The following PCNX2 variants were observed in gnomAD, a reference collection of about 807,000 sequenced individuals.
PCNX2 encodes pecanex-like protein 2.
A neutral mutation model predicts 223.8 loss-of-function variants in PCNX2; 168 were observed. That is an observed-to-expected ratio of 0.75 (90% confidence interval 0.66 to 0.85). The LOEUF is 0.85. Ranked by LOEUF, PCNX2 falls within the 40% of genes least tolerant of loss-of-function variation. The pLI is 0.00. For synonymous variants in PCNX2, 1,006 were observed against 1,052.6 expected (o/e 0.96, Z 0.86); for missense variants, 2,507 against 2,675.5 (o/e 0.94, Z 1.39).
chr1:233,001,659 G>C lies in PCNX2; in HGVS notation c.4975C>G (p.Leu1659Val). The C allele has an allele frequency of 1.9e-6, 3 of 1,586,614 alleles. No individual in the cohort carries two copies. The highest frequency in any genetic ancestry group is 2.6e-6 in the Non-Finnish European group (3 of 1,164,998). ...AAGTCACCTTTGAAGAGGACATGGA[G>C]GCCATACAGGAAAGAATCCAGGCTG... Reference protein sequence around the residue: ...AISLDSFLYGLHVLFKGDFRI... With the variant: ...AISLDSFLYGVHVLFKGDFRI... The change falls in exon 29 of 34, where the codon CTC becomes GTC. Residue 1659 changes from leucine to valine, a missense_variant. Around this residue, in one of 3 missense-constraint regions of PCNX2, gnomAD observed 1,372 missense variants for 1,509.4 expected, o/e 0.91. Coordinates refer to ENST00000258229, the MANE Select transcript of PCNX2 (RefSeq NM_014801.4). The surrounding 1 kb of genome is among the most constrained non-coding windows in gnomAD (Gnocchi z 4.2).
chr1:232,985,334 C>CA (rs1669435156), intron 33 of PCNX2: 1 of 152,278 alleles, frequency 6.6e-6, no homozygotes, highest in Non-Finnish European at 1.5e-5. Flanking sequence ...CACCCAGAAC[C>CA]AGAGGCCAAG....
At chr1:233,161,782 G>A (rs1432720457) in intron 17 of PCNX2, among the ~76,000 whole-genome samples, 1 of 152,082 alleles carries the variant, frequency 6.6e-6, no homozygotes, top group East Asian at 1.9e-4. Context: ...GGAGGTCAAA[G>A]TGCTAATCAT....
rs756370558 is a variant in PCNX2, at chr1:233,262,048, T to A, written c.477A>T (p.Pro159=). ...QSITSHHSSG[P]LELSAQETVE... ...AACAGGAAAGAAGACCACTAACCAA[T>A]GGCCCAGAAGAGTGATGAGAGGTTA... is the stretch of plus-strand genomic sequence containing the variant. The change falls in exon 3 of 34, where the codon CCA becomes CCT. Residue 159 remains proline, a synonymous_variant. Transcript: ENST00000258229. The A allele has an allele frequency of 1.2e-6, 2 of 1,613,586 alleles. No homozygotes were observed. The highest frequency in any genetic ancestry group is 8.5e-7 in the Non-Finnish European group (1 of 1,179,650).
In PCNX2 at chr1:233,001,678, C is replaced by T. The variant is rs1041160582; in HGVS notation, c.4956G>A (p.Leu1652=). 3.8e-6 allele frequency: 6 copies of T among 1,571,212 alleles called. No homozygotes were observed. In the Admixed American group the frequency reaches 7.2e-5, roughly 19 times the overall value. ...CATGGAGGCCATACAGGAAAGAATC[C>T]AGGCTGCAAAACAAAGTCCTATTAC... ...GTAAHNMAIS[L]DSFLYGLHVL... The change falls in exon 29 of 34, where the codon CTG becomes CTA. Residue 1652 remains leucine, a synonymous_variant. Coordinates refer to ENST00000258229, the MANE Select transcript of PCNX2 (RefSeq NM_014801.4). The surrounding 1 kb of genome is among the most constrained non-coding windows in gnomAD (Gnocchi z 4.2).
intron 13 of PCNX2, among the ~76,000 whole-genome samples, chr1:233,203,644 T>A (rs913051114): frequency 6.6e-6 from 1 of 152,152 alleles, no homozygotes; most frequent in African/African-American, 2.4e-5. Context: ...AGTTTCTCCA[T>A]CCTTCCCACC....
At chr1:233,307,892 C>T in the PCNX2 span, among the ~76,000 whole-genome samples, 5 of 152,172 alleles carry the variant, frequency 3.3e-5, no homozygotes, top group African/African-American at 1.2e-4. Flanking sequence ...TACCTCCAAG[C>T]AAAACAGTCA....
intron 21 of PCNX2, among the ~76,000 whole-genome samples, chr1:233,098,985 G>A (rs1037591322): frequency 3.3e-5 from 5 of 152,196 alleles, no homozygotes; most frequent in African/African-American, 1.2e-4. Flanking sequence ...TCACAACCTA[G>A]TAATTTTAGA....
chr1:233,325,013 A>G, the PCNX2 span, among the ~76,000 whole-genome samples: 1 of 152,218 alleles, frequency 6.6e-6, no homozygotes, highest in Admixed American at 6.5e-5. Flanking sequence ...GAGATGCACG[A>G]GGAGATAAAT....
At chr1:233,147,719 C>T (rs1179735492) in intron 19 of PCNX2, among the ~76,000 whole-genome samples, 1 of 152,186 alleles carries the variant, frequency 6.6e-6, no homozygotes, top group Non-Finnish European at 1.5e-5. Flanking sequence ...ACTGTAAGTA[C>T]CATTCTGCTG....
chr1:233,232,869 GATA>G (rs1299207274), intron 9 of PCNX2: 98 of 981,248 alleles, frequency 1.0e-4, no homozygotes, highest in East Asian at 2.3e-4. Context: ...TATCCATAAT[GATA>G]ATAATAATAA....
chr1:233,076,393 T>C (rs1427923323), intron 23 of PCNX2, among the ~76,000 whole-genome samples: 2 of 152,196 alleles, frequency 1.3e-5, no homozygotes, highest in African/African-American at 2.4e-5. Context: ...ACTGCAGTAA[T>C]TTGTGCAGTG....
intron 25 of PCNX2, chr1:233,033,101 G>A (rs1340495616): frequency 1.0e-6 from 1 of 985,314 alleles, no homozygotes; most frequent in African/African-American, 1.7e-5. Context: ...CCCCGGCAGA[G>A]ATGAATGTCA....
intron 28 of PCNX2, among the ~76,000 whole-genome samples, chr1:233,005,707 A>T (rs1348801428): frequency 6.6e-6 from 1 of 152,192 alleles, no homozygotes; most frequent in African/African-American, 2.4e-5. Context: ...GAGCTGTGAC[A>T]AGCCAAGCGG....
intron 23 of PCNX2, chr1:233,058,665 C>CTTTTTTTTTTTTTTTTTTTTTTTTTT (rs771648037): frequency 1.7e-5 from 2 of 119,810 alleles, no homozygotes; most frequent in Admixed American, 8.7e-5. Flanking sequence ...CTTTTCTTTT[C>CTTTTTTTTTTTTTTTTTTTTTTTTTT]TTTTTTTTTT....
Position 233,252,344 on chromosome 1 carries a change from A to G in PCNX2, c.2128+10T>C, listed in dbSNP as rs769612794. 1 of 1,599,670 alleles carries G rather than the reference A, an allele frequency of 6.3e-7. No individual in the cohort carries two copies. The highest frequency in any genetic ancestry group is 8.5e-7 in the Non-Finnish European group (1 of 1,170,216). ...TGCTTGTTCATTAGTAAAGAGCTCC[A>G]AAGACTCACCATGTTCATCAATGAA... On this transcript the variant is annotated intron_variant, in intron 7 of 33. Coordinates refer to ENST00000258229, the MANE Select transcript of PCNX2 (RefSeq NM_014801.4).
intron 22 of PCNX2, among the ~76,000 whole-genome samples, chr1:233,090,453 A>G (rs528575290): frequency 6.6e-6 from 1 of 152,350 alleles, no homozygotes; most frequent in African/African-American, 2.4e-5. Context: ...GCAAAGGTTT[A>G]ATATCTAAGG....
chr1:233,110,344 G>C (rs774190447), intron 21 of PCNX2, among the ~76,000 whole-genome samples: 69 of 152,164 alleles, frequency 4.5e-4, no homozygotes, highest in Non-Finnish European at 1.3e-4. Flanking sequence ...CAAGCCAGCA[G>C]GTCATAGAGG....
intron 21 of PCNX2, among the ~76,000 whole-genome samples, chr1:233,113,920 G>A (rs1012062573): frequency 6.6e-6 from 1 of 152,244 alleles, no homozygotes; most frequent in Admixed American, 6.5e-5. Context: ...AACAGTCATT[G>A]TAAGAGAGCA....
At chr1:233,093,650 C>G (rs1425639704) in intron 22 of PCNX2, among the ~76,000 whole-genome samples, 1 of 152,046 alleles carries the variant, frequency 6.6e-6, no homozygotes, top group African/African-American at 2.4e-5. Flanking sequence ...GATGAGGGGG[C>G]CGTCCATGGG....
Sources: gnomAD v4.1 joint callset for allele counts (sites outside exome capture counted in the v4.1 genomes callset) on GRCh38, gnomAD v4.1.1 for gene constraint, gnomAD v4.1.1 regional missense constraint, Gnocchi (gnomAD v3.1) non-coding constraint, MANE v1.5 for transcripts, NCBI Gene and HGNC (gene_info 2026-07-23, HGNC 2026-07-21) for gene names.